The following SCUBE1 variants were observed in gnomAD, a reference collection of about 807,000 sequenced individuals.
The protein encoded by SCUBE1 is signal peptide, CUB and EGF-like domain-containing protein 1.
Under a neutral mutation model 124.4 loss-of-function variants are expected in SCUBE1, and 59 were observed. The observed-to-expected ratio is 0.47, with a 90% confidence interval of 0.38 to 0.59. The LOEUF is 0.59. Among genes scored for constraint, SCUBE1 ranks in the 20% least tolerant of loss-of-function variants. SCUBE1 has a pLI of 0.00. For synonymous variants in SCUBE1, 545 were observed against 550.9 expected, an observed-to-expected ratio of 0.99 and a Z score of 0.15; for missense variants, 1,150 against 1,371.2, an observed-to-expected ratio of 0.84 and a Z score of 2.55.
intron 6 of SCUBE1, among the ~76,000 whole-genome samples, chr22:43,240,977 C>T (rs189106549): frequency 6.6e-6 from 1 of 152,238 alleles, no homozygotes; most frequent in Admixed American, 6.5e-5. Context: ...GGGAGACAGG[C>T]AATGAAAACT....
At chr22:43,288,253 G>A (rs1925222892) in intron 4 of SCUBE1, among the ~76,000 whole-genome samples, 1 of 152,172 alleles carries the variant, frequency 6.6e-6, no homozygotes, top group South Asian at 2.1e-4. Context: ...ACCACCTGGG[G>A]CATCTGGGTG....
In SCUBE1 at chr22:43,203,617, C is replaced by T; in HGVS notation, c.*380G>A. On this transcript the variant is annotated 3_prime_UTR_variant, in exon 22 of 22. Transcript: ENST00000360835. Reference sequence around the variant, plus strand: ...GGCGCCTTTGTCCCCTCCTCTCTCCCCTGGACTCCTGTCTCGGATGACCAC... The same window carrying T: ...GGCGCCTTTGTCCCCTCCTCTCTCCTCTGGACTCCTGTCTCGGATGACCAC... 1 of 183,910 alleles carries T rather than the reference C, an allele frequency of 5.4e-6. No homozygotes were observed. The highest frequency in any genetic ancestry group is 1.1e-5 in the Non-Finnish European group (1 of 87,714). The allele number at this position is 183,910 out of a possible 1,614,324, so 11.4% of individuals were successfully genotyped here.
intron 2 of SCUBE1, among the ~76,000 whole-genome samples, chr22:43,325,900 A>G (rs1308310787): frequency 6.6e-6 from 1 of 151,708 alleles, no homozygotes; most frequent in East Asian, 1.9e-4. Context: ...CCGTGCCAGC[A>G]ACGCAGGTTT....
chr22:43,292,595 A>ACT (rs1925406539), intron 3 of SCUBE1, among the ~76,000 whole-genome samples: 2 of 149,764 alleles, frequency 1.3e-5, no homozygotes, highest in South Asian at 4.3e-4. Context: ...ACACACACAC[A>ACT]CTCTTCGGTG....
chr22:43,283,577 A>G (rs982385340), intron 4 of SCUBE1: 13 of 152,214 alleles, frequency 8.5e-5, no homozygotes, highest in Admixed American at 7.9e-4. Flanking sequence ...ACTGATTTGG[A>G]TATTGTTCAA....
chr22:43,320,936 G>A (rs1369331375), intron 2 of SCUBE1, among the ~76,000 whole-genome samples: 2 of 152,234 alleles, frequency 1.3e-5, no homozygotes, highest in African/African-American at 2.4e-5. Flanking sequence ...CAGGCACAGC[G>A]AGAATTTGCC....
chr22:43,306,849 A>G (rs1925986666), intron 3 of SCUBE1, among the ~76,000 whole-genome samples: 1 of 152,164 alleles, frequency 6.6e-6, no homozygotes, highest in South Asian at 2.1e-4. Context: ...GACCAGAAGG[A>G]GCCAGGCACG....
At chr22:43,338,851 G>C (rs1927171085) in intron 2 of SCUBE1, among the ~76,000 whole-genome samples, 1 of 152,280 alleles carries the variant, frequency 6.6e-6, no homozygotes, top group South Asian at 2.1e-4. Flanking sequence ...TTCTTAAAAA[G>C]AACAAAAAGT....
intron 5 of SCUBE1, among the ~76,000 whole-genome samples, chr22:43,259,110 T>C (rs1381837722): frequency 6.6e-6 from 1 of 151,796 alleles, no homozygotes; most frequent in Non-Finnish European, 1.5e-5. Context: ...CAGAAAGGAG[T>C]CTGAAGTAGA....
chr22:43,252,407 TC>T (rs1297586060), intron 6 of SCUBE1, among the ~76,000 whole-genome samples: 1 of 152,206 alleles, frequency 6.6e-6, no homozygotes, highest in African/African-American at 2.4e-5. Flanking sequence ...GCTTGCAGGT[TC>T]TGCCAGGGGA....
intron 2 of SCUBE1, among the ~76,000 whole-genome samples, chr22:43,325,304 G>A (rs939740998): frequency 2.6e-5 from 4 of 152,048 alleles, no homozygotes; most frequent in Admixed American, 6.5e-5. Flanking sequence ...CTAGCCAGGC[G>A]TGGTGGCGCA....
At chr22:43,230,630 T>C (rs1447148427) in intron 8 of SCUBE1, among the ~76,000 whole-genome samples, 2 of 152,170 alleles carry the variant, frequency 1.3e-5, no homozygotes, top group Admixed American at 1.3e-4. Flanking sequence ...AGAACCCTGA[T>C]AGGGCCTGGA....
intron 7 of SCUBE1, chr22:43,238,514 G>T (rs777555844): frequency 5.1e-6 from 3 of 584,868 alleles, no homozygotes; most frequent in Non-Finnish European, 6.1e-6. Flanking sequence ...GAGGGCCCAG[G>T]AAGTCCCACA....
At chr22:43,212,385 CTCTCGGGGT>C (rs1921602901) in intron 17 of SCUBE1, 31 bp downstream of exon 17, 1 of 1,543,680 alleles carries the variant, frequency 6.5e-7, no homozygotes, top group African/African-American at 1.4e-5. Context: ...GCAGCCCTGC[CTCTCGGGGT>C]GGGCGGGCGT....
chr22:43,221,023 G>A (rs1488398983), intron 13 of SCUBE1, 150 bp downstream of exon 13: 5 of 625,514 alleles, frequency 8.0e-6, no homozygotes, highest in African/African-American at 1.8e-5. Flanking sequence ...CAATGTCCTT[G>A]GAAACTCTCA....
At chr22:43,301,534 C>G (rs1925771567) in intron 3 of SCUBE1, among the ~76,000 whole-genome samples, 1 of 152,186 alleles carries the variant, frequency 6.6e-6, no homozygotes, top group African/African-American at 2.4e-5. Context: ...GCACGGCTGC[C>G]TCCTCCTTCT....
intron 4 of SCUBE1, among the ~76,000 whole-genome samples, chr22:43,269,429 C>A (rs371679336): frequency 2.2e-4 from 34 of 152,318 alleles, no homozygotes; most frequent in Non-Finnish European, 3.8e-4. Context: ...TGCGGCCCAG[C>A]GTGTTTGTAC....
At chr22:43,214,046 C>CCGGGGGGGGGGGGGGGGGGGGGGGGGG in intron 16 of SCUBE1, 44 bp downstream of exon 16, 5 of 422,702 alleles carry the variant, frequency 1.2e-5, no homozygotes, top group Non-Finnish European at 1.7e-5. Context: ...GAGGAGCCCC[C>CCGGGGGGGGGGGGGGGGGGGGGGGGGG]GCCCACCCCC....
Position 43,207,963 on chromosome 22 carries a change from T to C in SCUBE1, c.2734+109A>G, listed in dbSNP as rs572682267. ...AGTGTTCGTTCTGCTTCCAGGTCTG[T>C]ACCTGCCAGGTCGCAGCTCCCTGAG... On this transcript the variant is annotated intron_variant, in intron 20 of 21. Coordinates refer to ENST00000360835, the MANE Select transcript of SCUBE1 (RefSeq NM_173050.5). 7 of 1,254,156 alleles carry C rather than the reference T, an allele frequency of 5.6e-6. No individual in the cohort carries two copies. In the African/African-American group the frequency reaches 7.3e-5, roughly 13 times the overall value. The allele number at this position is 1,254,156 out of a possible 1,614,324, so 77.7% of individuals were successfully genotyped here.
Sources: gnomAD v4.1 joint callset for allele counts (sites outside exome capture counted in the v4.1 genomes callset) on GRCh38, gnomAD v4.1.1 for gene constraint, MANE v1.5 for transcripts, NCBI Gene and HGNC (gene_info 2026-07-23, HGNC 2026-07-21) for gene names.